The following UNC5C variants were observed in gnomAD, a reference collection of about 807,000 sequenced individuals.
UNC5C encodes netrin receptor UNC5C.
In UNC5C, 47 loss-of-function variants were observed where a neutral mutation model predicts 99.8. The ratio of observed to expected loss-of-function variants is 0.47; its 90% CI spans 0.37 to 0.60. The LOEUF (loss-of-function observed/expected upper bound fraction) is 0.60. Among genes scored for constraint, UNC5C ranks in the 20% least tolerant of loss-of-function variants. The pLI is 0.00. For missense variants in UNC5C, 1,062 were observed against 1,165.9 expected (o/e 0.91, Z 1.30); for synonymous variants, 487 against 452.2 (o/e 1.08, Z -0.98).
intron 1 of UNC5C, among the ~76,000 whole-genome samples, chr4:95,466,428 A>G (rs1245596515): frequency 1.3e-5 from 2 of 152,180 alleles, no homozygotes; most frequent in Non-Finnish European, 2.9e-5. Context: ...GAGATAAATT[A>G]TGATGCTTGT....
intron 1 of UNC5C, among the ~76,000 whole-genome samples, chr4:95,524,869 G>A (rs1451810700): frequency 6.6e-6 from 1 of 152,172 alleles, no homozygotes; most frequent in Non-Finnish European, 1.5e-5. Context: ...ATTAACTCCT[G>A]TGTGAACTCT....
At chr4:95,192,932 A>G (rs930128568) in intron 12 of UNC5C, among the ~76,000 whole-genome samples, 5 of 152,128 alleles carry the variant, frequency 3.3e-5, no homozygotes, top group East Asian at 3.9e-4. Context: ...TCTCTCTCCA[A>G]CTACTTTTCT....
At chr4:95,476,373 T>A (rs265058) in intron 1 of UNC5C, among the ~76,000 whole-genome samples, 1,656 of 152,190 alleles carry the variant, frequency 0.011, 13 homozygotes, top group Middle Eastern at 0.02. Flanking sequence ...ACAGGGTACT[T>A]TGCAGTCATA....
chr4:95,397,213 G>A (rs1327673334), intron 1 of UNC5C, among the ~76,000 whole-genome samples: 1 of 152,156 alleles, frequency 6.6e-6, no homozygotes, highest in East Asian at 1.9e-4. Flanking sequence ...AAAAATGTAA[G>A]TGCTTTACAC....
intron 5 of UNC5C, chr4:95,248,527 G>A: frequency 2.2e-6 from 1 of 455,934 alleles, no homozygotes; most frequent in South Asian, 1.5e-5. Flanking sequence ...TTCTGGTATA[G>A]GGAAGCCATC....
intron 1 of UNC5C, among the ~76,000 whole-genome samples, chr4:95,435,804 G>A (rs371705243): frequency 5.3e-5 from 8 of 152,006 alleles, no homozygotes; most frequent in East Asian, 1.9e-4. Flanking sequence ...TTATTGTAGC[G>A]TTTATATTTC....
chr4:95,453,390 T>C (rs1200944901), intron 1 of UNC5C, among the ~76,000 whole-genome samples: 2 of 151,738 alleles, frequency 1.3e-5, no homozygotes, highest in Admixed American at 6.6e-5. Flanking sequence ...TCAATTTTAA[T>C]ACAATAAGTA....
chr4:95,252,712 A>G (rs1292654355), intron 4 of UNC5C, among the ~76,000 whole-genome samples: 2 of 152,218 alleles, frequency 1.3e-5, no homozygotes, highest in African/African-American at 4.8e-5. Flanking sequence ...CCAACGTGAC[A>G]CCACAAGTAG....
At chr4:95,175,295 G>A (rs1560713388) in intron 14 of UNC5C, among the ~76,000 whole-genome samples, 2 of 151,926 alleles carry the variant, frequency 1.3e-5, no homozygotes, top group Non-Finnish European at 2.9e-5. Context: ...TATGATGTTA[G>A]CTGGTTATTT....
intron 7 of UNC5C, chr4:95,222,089 G>T: frequency 1.7e-6 from 1 of 597,188 alleles, no homozygotes; most frequent in Non-Finnish European, 2.6e-6. Context: ...TTTCATGTTA[G>T]AATATATTAG....
chr4:95,408,054 T>A (rs910563473), intron 1 of UNC5C, among the ~76,000 whole-genome samples: 2 of 152,224 alleles, frequency 1.3e-5, no homozygotes, highest in African/African-American at 4.8e-5. Context: ...GGTAAAAATA[T>A]ATTACACATT....
chr4:95,483,668 G>A (rs1004310843), intron 1 of UNC5C, among the ~76,000 whole-genome samples: 1 of 151,740 alleles, frequency 6.6e-6, no homozygotes, highest in Non-Finnish European at 1.5e-5. Context: ...GGCCTCTGCT[G>A]ACCTGAAGGG....
rs190452816 is a variant in UNC5C at position 95,377,637 on chromosome 4, C to T, written c.125-42006G>A. ...TGGGTTTTAATGATTAGTCTAAATG[C>T]ACTCCTTCTTTGCCAGCAAAGAAAG... On this transcript the variant is annotated intron_variant, in intron 1 of 15. Coordinates refer to ENST00000453304, the MANE Select transcript of UNC5C (RefSeq NM_003728.4). Among the ~76,000 whole-genome samples the T allele has an allele frequency of 2.7e-3, 415 of 152,136 alleles. 5 individuals carry two copies. Among genetic ancestry groups the T allele is most frequent in the African/African-American group, 9.3e-3 (386 of 41,510 alleles).
rs541876495 is a variant in UNC5C at position 95,347,131 on chromosome 4, T to C, written c.125-11500A>G. On this transcript the variant is annotated intron_variant, in intron 1 of 15. Transcript: ENST00000453304. ...TTCTATATGCCAACAGCAAACAATC[T>C]GAAAAAGAAGTCAAGTAAATAATCC... is the stretch of plus-strand genomic sequence containing the variant. 2.2e-3 allele frequency among the ~76,000 whole-genome samples: 329 copies of C among 151,904 alleles called. 3 individuals are homozygous for C. The highest frequency in any genetic ancestry group is 7.6e-3 in the African/African-American group (316 of 41,464).
intron 10 of UNC5C, among the ~76,000 whole-genome samples, chr4:95,211,623 C>T (rs1258054645): frequency 2.0e-5 from 3 of 152,258 alleles, no homozygotes; most frequent in South Asian, 2.1e-4. Flanking sequence ...TAACACATTC[C>T]CTTCTTGAAA....
chr4:95,477,210 T>C (rs951348240), intron 1 of UNC5C, among the ~76,000 whole-genome samples: 1 of 152,070 alleles, frequency 6.6e-6, no homozygotes, highest in Non-Finnish European at 1.5e-5. Flanking sequence ...AGGTCCTGTT[T>C]AGCCAAGTGA....
intron 1 of UNC5C, among the ~76,000 whole-genome samples, chr4:95,424,725 G>A (rs1369900078): frequency 6.6e-6 from 1 of 151,564 alleles, no homozygotes; most frequent in Non-Finnish European, 1.5e-5. Context: ...AGGTTTCACT[G>A]TGTTAGCCAG....
intron 4 of UNC5C, among the ~76,000 whole-genome samples, chr4:95,261,854 C>T (rs1369939392): frequency 6.6e-6 from 1 of 152,134 alleles, no homozygotes; most frequent in Non-Finnish European, 1.5e-5. Flanking sequence ...CAGGGGCATG[C>T]CACGATGCCC....
At position 95,246,618 on chromosome 4, in the gene UNC5C, G is replaced by A. The variant is rs1263922515; in HGVS notation, c.776-1474C>T. ...TGTTTTAAATAAAAGTAATGTTTAT[G>A]GATACATTATGCATAATGTATATGT... is the stretch of plus-strand genomic sequence containing the variant. On this transcript the variant is annotated intron_variant, in intron 5 of 15. Coordinates refer to ENST00000453304, the MANE Select transcript of UNC5C (RefSeq NM_003728.4). Among the ~76,000 whole-genome samples, 26 of 151,226 alleles carry A rather than the reference G, an allele frequency of 1.7e-4. 1 individual carries two copies. The highest frequency in any genetic ancestry group is 2.9e-5 in the Non-Finnish European group (2 of 67,886).
Sources: allele counts gnomAD v4.1 joint callset (sites outside exome capture counted in the v4.1 genomes callset), GRCh38; gene constraint gnomAD v4.1.1; transcripts MANE v1.5; gene names NCBI Gene and HGNC (gene_info 2026-07-23, HGNC 2026-07-21).